Variants in FBXO25 observed in about 807,000 individuals in gnomAD.
The protein encoded by FBXO25 is F-box protein 25.
FBXO25 carries 45 observed loss-of-function variants against 51.9 expected under a neutral mutation model. The observed-to-expected ratio is 0.87, with a 90% CI of 0.68 to 1.11. The LOEUF (loss-of-function observed/expected upper bound fraction) is 1.11. FBXO25 is among the 50% of genes most tolerant of loss of function. The pLI is 0.00. For synonymous variants in FBXO25, 199 were observed against 151.0 expected, an observed-to-expected ratio of 1.32 and a Z score of -2.33; for missense variants, 507 against 428.5, an observed-to-expected ratio of 1.18 and a Z score of -1.62.
intron 2 of FBXO25, among the ~76,000 whole-genome samples, chr8:413,624 A>G (rs1796619508): frequency 6.6e-6 from 1 of 152,204 alleles, no homozygotes; most frequent in South Asian, 2.1e-4. Context: ...AACATTGTCA[A>G]GGGGCCAAGC....
chr8:454,369 T>C (rs1585083121), intron 7 of FBXO25, among the ~76,000 whole-genome samples: 1 of 152,350 alleles, frequency 6.6e-6, no homozygotes. Flanking sequence ...TGTGTTCACA[T>C]GCTTCCTCAC....
At position 428,615 on chromosome 8, in the gene FBXO25, T is replaced by G. The variant is rs570430677; in HGVS notation, c.135-2726T>G. 2.0e-5 allele frequency among the ~76,000 whole-genome samples: 3 copies of G among 152,340 alleles called. No homozygotes were observed. The East Asian group carries it at 5.8e-4, about 29-fold the overall frequency. On this transcript the variant is annotated intron_variant, in intron 2 of 9. Coordinates refer to ENST00000350302, the MANE Select transcript of FBXO25 (RefSeq NM_183420.2). ...GTGGTGTTAAGTACATTCACACTAT[T>G]GTGCAACCATTACCACCATCCATCT... is the stretch of plus-strand genomic sequence containing the variant.
At chr8:441,407 A>C (rs561067445) in intron 5 of FBXO25, among the ~76,000 whole-genome samples, 1 of 152,362 alleles carries the variant, frequency 6.6e-6, no homozygotes, top group African/African-American at 2.4e-5. Flanking sequence ...CTAAAACCAT[A>C]AAAACCCTAC....
chr8:434,622 C>G (rs983513891), intron 4 of FBXO25, among the ~76,000 whole-genome samples: 1 of 152,138 alleles, frequency 6.6e-6, no homozygotes, highest in Non-Finnish European at 1.5e-5. Context: ...TCTAGGACAT[C>G]TCAAGTCACC....
In FBXO25 at chr8:472,885, G is replaced by A. The variant is rs1262836833; in HGVS notation, c.*4081G>A. On this transcript the variant is annotated 3_prime_UTR_variant, in exon 10 of 10. Transcript: ENST00000350302. ...GAAGCAAGCCTGCCTTATGAAACTC[G>A]ACTTTTTAATCTCCCTCTCTTCATT... 2.0e-5 allele frequency: 3 copies of A among 152,208 alleles called. No individual in the cohort carries two copies. The highest frequency in any genetic ancestry group is 4.4e-5 in the Non-Finnish European group (3 of 68,048). The allele number at this position is 152,208 out of a possible 1,614,324, so 9.4% of individuals were successfully genotyped here. A position where few individuals can be genotyped will look rare whatever the true frequency, so the allele number is the denominator to read the frequency against.
intron 2 of FBXO25, among the ~76,000 whole-genome samples, chr8:426,196 G>A (rs1204081353): frequency 3.3e-5 from 5 of 152,064 alleles, no homozygotes; most frequent in Non-Finnish European, 5.9e-5. Context: ...TTTGGTTTCC[G>A]GAGCTTATTC....
At chr8:467,471 G>A (rs1800247601) in intron 9 of FBXO25, among the ~76,000 whole-genome samples, 1 of 152,218 alleles carries the variant, frequency 6.6e-6, no homozygotes, top group South Asian at 2.1e-4. Flanking sequence ...CTTAAAGGTA[G>A]AGATATGTTG....
intron 7 of FBXO25, among the ~76,000 whole-genome samples, chr8:454,065 A>G (rs377044442): frequency 2.6e-5 from 4 of 152,304 alleles, no homozygotes; most frequent in African/African-American, 9.6e-5. Flanking sequence ...TGGAGGTTGC[A>G]GTGAGCCGAG....
Position 477,440 on chromosome 8 carries a change from G to A in FBXO25, c.*8636G>A, listed in dbSNP as rs1480936873. The A allele has an allele frequency of 6.6e-6, 1 of 152,232 alleles. No individual in the cohort carries two copies. The highest frequency in any genetic ancestry group is 1.9e-4 in the East Asian group (1 of 5,202). The allele number at this position is 152,232 out of a possible 1,614,324, so 9.4% of individuals were successfully genotyped here. On this transcript the variant is annotated 3_prime_UTR_variant, in exon 10 of 10. Coordinates refer to ENST00000350302, the MANE Select transcript of FBXO25 (RefSeq NM_183420.2). The stretch of plus-strand genomic sequence containing the variant: ...TGTTTCATATATTTTGGGCTCTGAT[G>A]TTTGGTGCATATATATTACATCTTG...
Position 472,437 on chromosome 8 carries a change from T to C in FBXO25, c.*3633T>C, listed in dbSNP as rs1482974465. 2.0e-5 allele frequency: 3 copies of C among 152,232 alleles called. No individual in the cohort carries two copies. The highest frequency in any genetic ancestry group is 4.8e-5 in the African/African-American group (2 of 41,442). 9.4% of individuals were successfully genotyped at this position (152,232 alleles called of 1,614,324 possible). ...CATGGTTTATGATACCTTTTATACA[T>C]AGCTGTTAGATTTGGTGTGCTGGAA... On this transcript the variant is annotated 3_prime_UTR_variant, in exon 10 of 10. Transcript: ENST00000350302.
chr8:419,918 A>G (rs1797046702), intron 2 of FBXO25, among the ~76,000 whole-genome samples: 1 of 152,230 alleles, frequency 6.6e-6, no homozygotes. Flanking sequence ...AAACTCAACA[A>G]TAAGAAAACA....
At chr8:464,324 C>T (rs190289134) in intron 9 of FBXO25, among the ~76,000 whole-genome samples, 10 of 140,186 alleles carry the variant, frequency 7.1e-5, no homozygotes, top group Admixed American at 5.6e-4. Flanking sequence ...GTTTGCCTTG[C>T]GTTTGAACAT....
At chr8:449,967 C>CT in intron 5 of FBXO25, 23 bp from the exon 6 acceptor site, 5 of 1,548,380 alleles carry the variant, frequency 3.2e-6, no homozygotes, top group South Asian at 1.1e-5. Context: ...TATCGCTCAG[C>CT]TTTTTTCCGT....
rs1314963885 is a variant in FBXO25 at position 470,699 on chromosome 8, A to C, written c.*1895A>C. ...TCCAGCTGAGAAAAGAAATTGTTCT[A>C]ATCTAGGAAAGGGAGTAAGTACATT... On this transcript the variant is annotated 3_prime_UTR_variant, in exon 10 of 10. Transcript: ENST00000350302. 3 of 152,174 alleles carry C rather than the reference A, an allele frequency of 2.0e-5. No individual in the cohort carries two copies. The highest frequency in any genetic ancestry group is 7.2e-5 in the African/African-American group (3 of 41,434). 9.4% of individuals were successfully genotyped at this position (152,174 alleles called of 1,614,324 possible).
At position 477,107 on chromosome 8, in the gene FBXO25, G is replaced by T. The variant is rs1158099442; in HGVS notation, c.*8303G>T. 1 of 152,092 alleles carries T rather than the reference G, an allele frequency of 6.6e-6. No individual in the cohort carries two copies. The highest frequency in any genetic ancestry group is 6.5e-5 in the Admixed American group (1 of 15,270). The allele number at this position is 152,092 out of a possible 1,614,324, so 9.4% of individuals were successfully genotyped here. On this transcript the variant is annotated 3_prime_UTR_variant, in exon 10 of 10. Transcript: ENST00000350302. ...TTGTGTACTTTTCAGTTTTTTGTCT[G>T]TTACTGATTTCTAGTTTCATCCCAC...
At chr8:443,554 C>T (rs577684267) in intron 5 of FBXO25, among the ~76,000 whole-genome samples, 1 of 151,150 alleles carries the variant, frequency 6.6e-6, no homozygotes, top group South Asian at 2.1e-4. Flanking sequence ...AGGGACAACC[C>T]CAAAAATAGA....
chr8:465,275 T>G (rs907031118), intron 9 of FBXO25, among the ~76,000 whole-genome samples: 2 of 152,220 alleles, frequency 1.3e-5, no homozygotes, highest in African/African-American at 4.8e-5. Context: ...TGACTGTGTC[T>G]TCAGTCACAG....
At chr8:459,271 G>T (rs1420579843) in intron 8 of FBXO25, among the ~76,000 whole-genome samples, 2 of 152,238 alleles carry the variant, frequency 1.3e-5, no homozygotes, top group East Asian at 1.9e-4. Flanking sequence ...ACTGTGGTCA[G>T]CACCTTGAAG....
chr8:431,338 C>T lies in FBXO25; in HGVS notation c.135-3C>T. ...ATTTTAATAGAATGTGTCTTTATTT[C>T]AGTATCTTAAATAGTGAAGATGGAG... On this transcript the variant is annotated splice_polypyrimidine_tract_variant and splice_region_variant and intron_variant, in intron 2 of 9. Coordinates refer to ENST00000350302, the MANE Select transcript of FBXO25 (RefSeq NM_183420.2). The T allele has an allele frequency of 7.2e-7, 1 of 1,382,316 alleles. No homozygotes were observed. The highest frequency in any genetic ancestry group is 9.9e-7 in the Non-Finnish European group (1 of 1,006,576). The allele number at this position is 1,382,316 out of a possible 1,614,324, so 85.6% of individuals were successfully genotyped here. A position where few individuals can be genotyped will look rare whatever the true frequency, so the allele number is the denominator to read the frequency against.
Sources: gnomAD v4.1 joint callset for allele counts (sites outside exome capture counted in the v4.1 genomes callset) on GRCh38, gnomAD v4.1.1 for gene constraint, MANE v1.5 for transcripts, NCBI Gene and HGNC (gene_info 2026-07-23, HGNC 2026-07-21) for gene names.